The following SMARCC2 variants were observed in gnomAD, a reference collection of about 807,000 sequenced individuals.
SMARCC2 encodes the protein SWI/SNF complex subunit SMARCC2.
In SMARCC2, 15 loss-of-function variants were observed where a neutral mutation model predicts 151.3. The observed-to-expected ratio is 0.10, with a 90% CI of 0.07 to 0.15. SMARCC2 has a LOEUF of 0.15. Among genes scored for constraint, SMARCC2 ranks in the 10% least tolerant of loss-of-function variants. SMARCC2 has a pLI of 1.00. For missense variants in SMARCC2, 1,031 were observed against 1,599.7 expected, an observed-to-expected ratio of 0.64 and a Z score of 6.06; for synonymous variants, 590 against 609.5, an observed-to-expected ratio of 0.97 and a Z score of 0.47.
chr12:56,165,758 C>T (rs761737113), intron 26 of SMARCC2, 59 bp from the exon 27 acceptor site: 20 of 1,520,766 alleles, frequency 1.3e-5, no homozygotes, highest in Non-Finnish European at 1.8e-5. Context: ...AGGCAAATGC[C>T]TCAACCCCTG....
intron 5 of SMARCC2, 135 bp downstream of exon 5, chr12:56,184,709 C>A: frequency 1.6e-6 from 1 of 628,866 alleles, no homozygotes; most frequent in Non-Finnish European, 2.8e-6. Context: ...AAGGCTTTAA[C>A]TCAAGTCTTT....
intron 17 of SMARCC2, 24 bp from the exon 18 acceptor site, chr12:56,173,053 T>G (rs760512869): frequency 1.2e-6 from 2 of 1,611,140 alleles, no homozygotes; most frequent in Non-Finnish European, 1.7e-6. Context: ...CTTGGCGTCA[T>G]GGAGGCTGGG....
chr12:56,178,687 A>G, intron 13 of SMARCC2, 123 bp downstream of exon 13: 1 of 1,380,452 alleles, frequency 7.2e-7, no homozygotes. Flanking sequence ...CAGAGTTTTG[A>G]ACAAAGCTGG....
intron 26 of SMARCC2, among the ~76,000 whole-genome samples, 195 bp from the exon 27 acceptor site, chr12:56,165,894 T>G (rs1400556297): frequency 1.3e-5 from 2 of 152,252 alleles, no homozygotes; most frequent in East Asian, 3.8e-4. Flanking sequence ...TTATGTCTCC[T>G]GAGTGCCCAC....
intron 25 of SMARCC2, among the ~76,000 whole-genome samples, chr12:56,169,120 C>A (rs1326208384): frequency 1.3e-5 from 2 of 152,052 alleles, no homozygotes; most frequent in African/African-American, 4.8e-5. Flanking sequence ...ATGGTGAAAC[C>A]CCATCTCTAC....
chr12:56,169,559 G>A lies in SMARCC2; in HGVS notation c.2685C>T (p.Ala895=), dbSNP rs138460781. 34 of 1,614,168 alleles carry A rather than the reference G, an allele frequency of 2.1e-5. No homozygotes were observed. Among genetic ancestry groups the A allele is most frequent in the Non-Finnish European group, 2.3e-5 (27 of 1,180,022 alleles). ...CTTTCACTGCGGCGGCGGCCAGGGC[G>A]GCGGCAGCAGCGGTGGAGAGGTTGC... The part of the protein sequence containing the change: ...GEGNLSTAAA[A]ALAAAAVKAK... Residue 895 remains alanine, a synonymous_variant, in exon 25 of 29, where the codon GCC becomes GCT. Coordinates refer to ENST00000550164, the MANE Select transcript of SMARCC2 (RefSeq NM_001330288.2).
In SMARCC2 at chr12:56,182,004, C is replaced by T. The variant is rs1400916996; in HGVS notation, c.708G>A (p.Lys236=). The T allele has an allele frequency of 6.2e-7, 1 of 1,609,298 alleles. No homozygotes were observed. The highest frequency in any genetic ancestry group is 8.5e-7 in the Non-Finnish European group (1 of 1,177,170). ...AAGAGGGGATACAAGAAAAGCTCAC[C>T]TTCCTAGGTTTCTCAGGAGTTGGAG... is the stretch of plus-strand genomic sequence containing the variant. ...EDAPTPEKPR[K]VHAKWILDTD... is the part of the protein sequence containing the mutation. Residue 236 remains lysine, a splice_region_variant and synonymous_variant, in exon 8 of 29, where the codon AAG becomes AAA. Transcript: ENST00000550164.
intron 20 of SMARCC2, 86 bp from the exon 21 acceptor site, chr12:56,172,023 G>A (rs751937781): frequency 7.8e-7 from 1 of 1,282,194 alleles, no homozygotes. Context: ...AGGGCAGCTG[G>A]TTTCAAAGTT....
chr12:56,184,136 A>C lies in SMARCC2; in HGVS notation c.562+39T>G, dbSNP rs779312004. 3.3e-6 allele frequency: 5 copies of C among 1,499,626 alleles called. No homozygotes were observed. The South Asian group carries it at 4.5e-5, about 14-fold the overall frequency. 92.9% of individuals were successfully genotyped at this position (1,499,626 alleles called of 1,614,324 possible). On this transcript the variant is annotated intron_variant, in intron 6 of 28. Coordinates refer to ENST00000550164, the MANE Select transcript of SMARCC2 (RefSeq NM_001330288.2). ...TCTTAGTCCTCTGCCTCCTAGTCCAAACCATCCACTCAAGTGGACAGGAAA... is the reference window on the plus strand; with the variant it reads ...TCTTAGTCCTCTGCCTCCTAGTCCACACCATCCACTCAAGTGGACAGGAAA...
At chr12:56,189,283 G>C in intron 1 of SMARCC2, 68 bp downstream of exon 1, 1 of 995,068 alleles carries the variant, frequency 1.0e-6, no homozygotes, top group Non-Finnish European at 1.4e-6. Flanking sequence ...GCAGGATCCC[G>C]GGGCTGCAGG....
rs373711112 is a variant in SMARCC2 at position 56,168,210 on chromosome 12, C to T, written c.2716-16G>A. ...CAGCCAAGTGCTAGGGAAGGAGGGG[C>T]GAGACAGCACATCAGTGGGAGGACC... On this transcript the variant is annotated splice_polypyrimidine_tract_variant and intron_variant, in intron 25 of 28. Transcript: ENST00000550164. 3.2e-5 allele frequency: 51 copies of T among 1,613,624 alleles called. No individual in the cohort carries two copies. The African/African-American group carries it at 4.0e-4, about 13-fold the overall frequency.
intron 28 of SMARCC2, among the ~76,000 whole-genome samples, 158 bp downstream of exon 28, chr12:56,164,145 G>A (rs748887453): frequency 2.0e-5 from 3 of 152,180 alleles, no homozygotes; most frequent in Admixed American, 6.5e-5. Context: ...GGTGGAGGAC[G>A]GCCAGAGAGG....
chr12:56,184,601 G>A (rs1171857776), intron 5 of SMARCC2: 2 of 553,898 alleles, frequency 3.6e-6, no homozygotes, highest in Non-Finnish European at 6.4e-6. Context: ...CAGTAGAAGT[G>A]GATACTATTT....
At chr12:56,177,997 G>A in intron 15 of SMARCC2, 25 bp downstream of exon 15, 1 of 1,510,432 alleles carries the variant, frequency 6.6e-7, no homozygotes, top group Non-Finnish European at 9.2e-7. Context: ...GGGAGAAGGA[G>A]AATCATGAGA....
chr12:56,176,044 A>C (rs1874899775), intron 15 of SMARCC2, among the ~76,000 whole-genome samples: 1 of 152,074 alleles, frequency 6.6e-6, no homozygotes, highest in Non-Finnish European at 1.5e-5. Context: ...TTTTTAGTAG[A>C]GACGGGGTTT....
Position 56,185,021 on chromosome 12 carries a change from G to T in SMARCC2, c.399+9C>A. 6.2e-7 allele frequency: 1 copy of T among 1,603,620 alleles called. No homozygotes were observed. The highest frequency in any genetic ancestry group is 8.5e-7 in the Non-Finnish European group (1 of 1,170,448). ...GGGAAGGGAGATAAATAGGGTATAT[G>T]CCTATTACCTGCACCAAGGACTTCT... On this transcript the variant is annotated intron_variant, in intron 4 of 28. Coordinates refer to ENST00000550164, the MANE Select transcript of SMARCC2 (RefSeq NM_001330288.2).
chr12:56,179,121 T>C, intron 11 of SMARCC2, 65 bp from the exon 12 acceptor site: 1 of 1,386,724 alleles, frequency 7.2e-7, no homozygotes, highest in Non-Finnish European at 1.0e-6. Context: ...AATTTAATAG[T>C]TCCAGACATC....
At chr12:56,179,818 C>T (rs1006485833) in intron 11 of SMARCC2, among the ~76,000 whole-genome samples, 3 of 152,074 alleles carry the variant, frequency 2.0e-5, no homozygotes, top group African/African-American at 7.2e-5. Flanking sequence ...TCCCGAATAG[C>T]TAGGATTACA....
chr12:56,177,055 G>A (rs1018821330), intron 15 of SMARCC2, among the ~76,000 whole-genome samples: 2 of 151,806 alleles, frequency 1.3e-5, no homozygotes, highest in Non-Finnish European at 1.5e-5. Context: ...TCCTGACCTC[G>A]GGTGATCCGC....
Sources: gnomAD v4.1 joint callset for allele counts (sites outside exome capture counted in the v4.1 genomes callset) on GRCh38, gnomAD v4.1.1 for gene constraint, MANE v1.5 for transcripts, NCBI Gene and HGNC (gene_info 2026-07-23, HGNC 2026-07-21) for gene names.